Variants in GALNTL6 observed in about 807,000 individuals in gnomAD.
GALNTL6 encodes the protein polypeptide N-acetylgalactosaminyltransferase-like 6.
A neutral mutation model predicts 73.7 loss-of-function variants in GALNTL6; 46 were observed. The ratio of observed to expected loss-of-function variants is 0.62; its 90% CI spans 0.49 to 0.80. The LOEUF is 0.80. GALNTL6 is among the 30% of genes least tolerant of loss of function. The probability of loss-of-function intolerance (pLI) is 0.00; values close to 1 mark genes in which losing one functional copy is unlikely to be tolerated. For synonymous variants in GALNTL6, 259 were observed against 263.7 expected, an observed-to-expected ratio of 0.98 and a Z score of 0.17; for missense variants, 604 against 755.0, an observed-to-expected ratio of 0.80 and a Z score of 2.34.
In GALNTL6 at chr4:172,541,815, A is replaced by C. The variant is rs554969309; in HGVS notation, c.553+193126A>C. ...GCCAGTTGAATGCTCCTTGAAGGTC[A>C]TATACCTGTTAAACTCCACCATTTT... On this transcript the variant is annotated intron_variant, in intron 5 of 12. Coordinates refer to ENST00000506823, the MANE Select transcript of GALNTL6 (RefSeq NM_001034845.3). 9.9e-5 allele frequency among the ~76,000 whole-genome samples: 15 copies of C among 152,212 alleles called. No individual in the cohort carries two copies. The East Asian group carries it at 2.9e-3, about 30-fold the overall frequency.
intron 7 of GALNTL6, among the ~76,000 whole-genome samples, chr4:172,832,800 A>T (rs111826906): frequency 6.6e-6 from 1 of 152,148 alleles, no homozygotes; most frequent in Non-Finnish European, 1.5e-5. Flanking sequence ...TCTCTCTCCT[A>T]TCTGGGTGGC....
chr4:172,669,127 C>T (rs776646165), intron 5 of GALNTL6: 3 of 152,154 alleles, frequency 2.0e-5, no homozygotes, highest in Non-Finnish European at 4.4e-5. Context: ...ATTTACTTAA[C>T]TCCATTAGCA....
intron 5 of GALNTL6, among the ~76,000 whole-genome samples, chr4:172,556,894 A>G (rs761506794): frequency 2.6e-5 from 4 of 152,224 alleles, no homozygotes; most frequent in Non-Finnish European, 4.4e-5. Context: ...ACACCCTGGC[A>G]TGCTTCCAAA....
intron 2 of GALNTL6, among the ~76,000 whole-genome samples, chr4:171,967,900 A>G (rs1001285566): frequency 3.9e-5 from 6 of 152,110 alleles, no homozygotes; most frequent in Non-Finnish European, 8.8e-5. Context: ...ATTATACAGA[A>G]TCTCCCCAGA....
At chr4:172,046,856 A>G (rs1742235469) in intron 2 of GALNTL6, among the ~76,000 whole-genome samples, 1 of 152,132 alleles carries the variant, frequency 6.6e-6, no homozygotes, top group Non-Finnish European at 1.5e-5. Flanking sequence ...TTTGCAGTGC[A>G]GAAGCTTTTC....
intron 5 of GALNTL6, among the ~76,000 whole-genome samples, chr4:172,625,733 G>C (rs547642370): frequency 6.6e-6 from 1 of 152,190 alleles, no homozygotes; most frequent in Admixed American, 6.6e-5. Flanking sequence ...GTGTGAGATA[G>C]TATCTCATTG....
chr4:172,622,083 A>G (rs555791837), intron 5 of GALNTL6, among the ~76,000 whole-genome samples: 6 of 152,284 alleles, frequency 3.9e-5, no homozygotes, highest in East Asian at 3.9e-4. Flanking sequence ...AACTCAATGG[A>G]AAGTTTTTTG....
At chr4:172,207,054 T>C (rs961737117) in intron 2 of GALNTL6, among the ~76,000 whole-genome samples, 7 of 151,664 alleles carry the variant, frequency 4.6e-5, no homozygotes, top group Non-Finnish European at 8.8e-5. Context: ...CCTGACCTCG[T>C]GATCCGCCCC....
At chr4:171,853,375 A>G (rs1004903485) in intron 2 of GALNTL6, among the ~76,000 whole-genome samples, 1 of 149,050 alleles carries the variant, frequency 6.7e-6, no homozygotes, top group African/African-American at 2.5e-5. Context: ...CCCTTCTTAC[A>G]CTCAGCCTTC....
intron 3 of GALNTL6, among the ~76,000 whole-genome samples, chr4:172,304,673 G>A (rs1294296709): frequency 6.6e-6 from 1 of 152,060 alleles, no homozygotes; most frequent in Non-Finnish European, 1.5e-5. Context: ...GTCACTAGCA[G>A]GGTTTTTTTT....
intron 9 of GALNTL6, among the ~76,000 whole-genome samples, chr4:172,949,871 T>G (rs1579695827): frequency 1.4e-5 from 2 of 143,826 alleles, no homozygotes; most frequent in South Asian, 2.1e-4. Context: ...ATTGCACCAC[T>G]GCACTCCAGC....
intron 2 of GALNTL6, among the ~76,000 whole-genome samples, chr4:171,948,208 C>T (rs1172114641): frequency 1.3e-5 from 2 of 152,082 alleles, no homozygotes; most frequent in Non-Finnish European, 2.9e-5. Flanking sequence ...CACAGAGCCT[C>T]TTTATTTCCC....
chr4:172,022,716 A>G (rs1160118337), intron 2 of GALNTL6, among the ~76,000 whole-genome samples: 1 of 151,846 alleles, frequency 6.6e-6, no homozygotes, highest in Non-Finnish European at 1.5e-5. Context: ...AAAACCCTCC[A>G]TTCCTTGGTG....
At chr4:172,264,582 ATATATAT>A (rs1341273288) in intron 3 of GALNTL6, among the ~76,000 whole-genome samples, 8 of 85,056 alleles carry the variant, frequency 9.4e-5, no homozygotes, top group African/African-American at 3.8e-4. Context: ...ATATATATAT[ATATATAT>A]ATATTTGGCA....
Position 172,340,940 on chromosome 4 carries a change from G to A in GALNTL6, c.387-7583G>A, listed in dbSNP as rs376033413. ...GCAGATCCCCTGAGTTCTGTGTACA[G>A]CTCATTCCTTTAGAGTGCTCTATCT... On this transcript the variant is annotated intron_variant, in intron 4 of 12. Transcript: ENST00000506823. 8.5e-4 allele frequency among the ~76,000 whole-genome samples: 129 copies of A among 152,284 alleles called. 3 individuals are homozygous for A. The South Asian group carries it at 0.026, about 31-fold the overall frequency.
chr4:172,510,417 A>G (rs28805700), intron 5 of GALNTL6, among the ~76,000 whole-genome samples: 9,195 of 54,096 alleles, frequency 0.17, 3,959 homozygotes, highest in African/African-American at 0.39. Flanking sequence ...TTCTTTGCTG[A>G]TTTGGATGTC....
chr4:172,264,582 ATATATATATATT>A (rs1430628719), intron 3 of GALNTL6, among the ~76,000 whole-genome samples: 2 of 85,050 alleles, frequency 2.4e-5, no homozygotes, highest in Admixed American at 1.4e-4. Flanking sequence ...ATATATATAT[ATATATATATATT>A]TGGCATATAT....
At chr4:172,967,556 G>T (rs1750388594) in intron 10 of GALNTL6, among the ~76,000 whole-genome samples, 2 of 151,824 alleles carry the variant, frequency 1.3e-5, no homozygotes, top group Admixed American at 6.6e-5. Flanking sequence ...ATTATCCATG[G>T]TCTCACTTTC....
chr4:172,786,103 T>C (rs537142462), intron 5 of GALNTL6, among the ~76,000 whole-genome samples: 1 of 151,452 alleles, frequency 6.6e-6, no homozygotes, highest in Non-Finnish European at 1.5e-5. Flanking sequence ...GACTCCAAAA[T>C]AGGGCTACGA....
Sources: gnomAD v4.1 joint callset for allele counts (sites outside exome capture counted in the v4.1 genomes callset) on GRCh38, gnomAD v4.1.1 for gene constraint, MANE v1.5 for transcripts, NCBI Gene and HGNC (gene_info 2026-07-23, HGNC 2026-07-21) for gene names.